Variants in LAMB4 observed in about 807,000 individuals in gnomAD.
The protein encoded by LAMB4 is laminin subunit beta-4.
In LAMB4, 196 loss-of-function variants were observed where a neutral mutation model predicts 199.2. That is an observed-to-expected ratio of 0.98 (90% CI 0.88 to 1.11). The LOEUF is 1.11. LAMB4 is among the 50% of genes least tolerant of loss of function. The pLI, the probability that LAMB4 is intolerant of heterozygous loss-of-function variation, is 0.00. For missense variants in LAMB4, 2,080 were observed against 2,171.2 expected, an observed-to-expected ratio of 0.96 and a Z score of 0.83; for synonymous variants, 744 against 770.6, an observed-to-expected ratio of 0.97 and a Z score of 0.57.
chr7:108,123,243 T>C, intron 1 of LAMB4, 46 bp from the exon 2 acceptor site: 2 of 1,184,622 alleles, frequency 1.7e-6, no homozygotes, highest in Non-Finnish European at 2.5e-6. Flanking sequence ...GAAGAAATAA[T>C]TGCCATCATC....
In LAMB4 at chr7:108,052,118, C is replaced by T. The variant is rs746859452; in HGVS notation, c.3895G>A (p.Val1299Ile). Residue 1299 changes from valine (V) to isoleucine (I), a missense_variant, in exon 26 of 34, where the codon GTC (valine) becomes ATC (isoleucine). By Grantham distance (29) the Val-to-Ile change is conservative. Transcript: ENST00000388781. ...TTACCCGCAATGCTTGCATTAAGGA[C>T]ACTGGATTGCAAATCAATTTCTTCC... ...LQEEIDLQSSVLNASIADSSE... is the reference protein window; with the variant it reads ...LQEEIDLQSSILNASIADSSE... The T allele has an allele frequency of 1.2e-5, 19 of 1,610,254 alleles. No homozygotes were observed. Among genetic ancestry groups the T allele is most frequent in the Admixed American group, 8.4e-5 (5 of 59,424 alleles).
intron 29 of LAMB4, among the ~76,000 whole-genome samples, chr7:108,042,937 C>CTATG (rs1554426273): frequency 1.4e-5 from 2 of 140,292 alleles, no homozygotes; most frequent in African/African-American, 5.5e-5. Flanking sequence ...CTCTCAATCT[C>CTATG]TGTGTGTGTG....
At chr7:108,048,158 C>CTTTTTTTTT (rs747991620) in intron 27 of LAMB4, 47 bp from the exon 28 acceptor site, 2 of 402,494 alleles carry the variant, frequency 5.0e-6, no homozygotes, top group African/African-American at 3.8e-5. Context: ...GTTGTCAGAG[C>CTTTTTTTTT]TTTTTTTTTT....
chr7:108,111,659 T>G (rs2038228018), intron 4 of LAMB4, 152 bp downstream of exon 4: 2 of 578,234 alleles, frequency 3.5e-6, no homozygotes, highest in Non-Finnish European at 5.8e-6. Context: ...TGAAAATAAA[T>G]TGTATTCTTA....
In LAMB4 at chr7:108,086,955, G is replaced by A. The variant is rs116227900; in HGVS notation, c.1701+4671C>T. On this transcript the variant is annotated intron_variant, in intron 14 of 33. Coordinates refer to ENST00000388781, the MANE Select transcript of LAMB4 (RefSeq NM_007356.3). The stretch of plus-strand genomic sequence containing the variant: ...GAGGGAATTAGGGGAGGGGACTAGC[G>A]ACTCATTCCCCAGTCTCCTCTTTCA... Among the ~76,000 whole-genome samples, 917 of 152,226 alleles carry A rather than the reference G, an allele frequency of 6.0e-3. 14 individuals carry two copies. The highest frequency in any genetic ancestry group is 0.018 in the African/African-American group (751 of 41,520).
chr7:108,050,644 A>T (rs2035797923), intron 26 of LAMB4, among the ~76,000 whole-genome samples: 1 of 152,224 alleles, frequency 6.6e-6, no homozygotes, highest in Admixed American at 6.5e-5. Context: ...ACCATAATCC[A>T]GGCAGGAGAC....
chr7:108,104,501 C>G lies in LAMB4; in HGVS notation c.989G>C (p.Arg330Thr), dbSNP rs761412150. The G allele has an allele frequency of 1.9e-6, 3 of 1,614,126 alleles. No individual in the cohort carries two copies. Among genetic ancestry groups the G allele is most frequent in the South Asian group, 2.2e-5 (2 of 91,082 alleles). The change falls in exon 9 of 34, where the codon AGA (arginine) becomes ACA (threonine). Residue 330 changes from arginine to threonine, a missense_variant and splice_region_variant. Arg to Thr is a moderately conservative substitution (Grantham distance 71). Transcript: ENST00000388781. ...GCAGGGAACTGAGTTTCACCCACAT[C>G]TGCAAGCGTTGTCCTGGAGGTCTGC... The part of the protein sequence containing the change: ...PAADLQDNAC[R>T]SCSCNSHSSR...
Position 108,052,189 on chromosome 7 carries a change from A to G in LAMB4, c.3824T>C (p.Ile1275Thr), listed in dbSNP as rs1261906940. The G allele has an allele frequency of 1.2e-6, 2 of 1,611,894 alleles. No homozygotes were observed. Among genetic ancestry groups the G allele is most frequent in the Non-Finnish European group, 1.7e-6 (2 of 1,178,996 alleles). ...GTCTGCTTCATTCTTTGCTCTTTCT[A>G]TTGTATCTTTCAGATCTTGAAATTC... ...VYEFQDLKDT[I>T]ERAKNEADLL... The change falls in exon 26 of 34, where the codon ATA becomes ACA. Residue 1275 changes from isoleucine to threonine, a missense_variant. Physicochemically the swap from Ile to Thr is moderately conservative, Grantham distance 89 (BLOSUM62 -1). Coordinates refer to ENST00000388781, the MANE Select transcript of LAMB4 (RefSeq NM_007356.3).
chr7:108,106,601 G>C, intron 6 of LAMB4, 29 bp from the exon 7 acceptor site: 1 of 1,192,536 alleles, frequency 8.4e-7, no homozygotes, highest in Non-Finnish European at 1.2e-6. Context: ...TACATTTATA[G>C]TATATTACCT....
At chr7:108,026,811 G>A in intron 33 of LAMB4, 1 of 477,734 alleles carries the variant, frequency 2.1e-6, no homozygotes, top group East Asian at 5.6e-5. Flanking sequence ...CTAACAGAGA[G>A]GAACAGGCAC....
chr7:108,030,723 G>A, intron 32 of LAMB4, 83 bp downstream of exon 32: 3 of 1,315,306 alleles, frequency 2.3e-6, no homozygotes, highest in East Asian at 2.3e-5. Context: ...GATGAGAAAT[G>A]GCACAAAAAT....
At chr7:108,092,976 C>T (rs1375011660) in intron 12 of LAMB4, among the ~76,000 whole-genome samples, 1 of 152,088 alleles carries the variant, frequency 6.6e-6, no homozygotes, top group African/African-American at 2.4e-5. Flanking sequence ...GAAATGGGAG[C>T]CTTAACAATT....
chr7:108,114,937 T>C lies in LAMB4; in HGVS notation c.192+1067A>G, dbSNP rs530389213. Reference sequence around the variant, plus strand: ...GAAAAGGCACAAAACTATGTTCACATTGGGAATTTATGATTTTTAGACAGT... The same window carrying C: ...GAAAAGGCACAAAACTATGTTCACACTGGGAATTTATGATTTTTAGACAGT... On this transcript the variant is annotated intron_variant, in intron 3 of 33. Coordinates refer to ENST00000388781, the MANE Select transcript of LAMB4 (RefSeq NM_007356.3). Among the ~76,000 whole-genome samples, 14 of 152,332 alleles carry C rather than the reference T, an allele frequency of 9.2e-5. No homozygotes were observed. In the South Asian group the frequency reaches 1.5e-3, roughly 16 times the overall value.
chr7:108,050,829 C>T (rs2035805028), intron 26 of LAMB4, among the ~76,000 whole-genome samples: 1 of 152,196 alleles, frequency 6.6e-6, no homozygotes, highest in South Asian at 2.1e-4. Context: ...CACCTATTCC[C>T]TGAAGACTTT....
At chr7:108,117,514 A>G (rs540882361) in intron 2 of LAMB4, among the ~76,000 whole-genome samples, 2 of 152,328 alleles carry the variant, frequency 1.3e-5, no homozygotes, top group African/African-American at 4.8e-5. Context: ...TTAAACATAT[A>G]TATAATGAGT....
chr7:108,102,102 A>G (rs1280498025), intron 10 of LAMB4, among the ~76,000 whole-genome samples: 1 of 152,192 alleles, frequency 6.6e-6, no homozygotes, highest in Non-Finnish European at 1.5e-5. Context: ...ACAGCTAGGT[A>G]TATCTCCTAG....
intron 19 of LAMB4, 106 bp from the exon 20 acceptor site, chr7:108,066,706 A>T (rs2036356392): frequency 1.4e-6 from 1 of 711,720 alleles, no homozygotes; most frequent in Non-Finnish European, 2.4e-6. Context: ...CCAGTGAACT[A>T]AGCAAGCCTG....
At chr7:108,128,509 A>G (rs2038873874) in intron 1 of LAMB4, among the ~76,000 whole-genome samples, 1 of 152,196 alleles carries the variant, frequency 6.6e-6, no homozygotes, top group Non-Finnish European at 1.5e-5. Context: ...TATGGGCCTT[A>G]TCATCTCAGC....
At chr7:108,071,999 A>G (rs888988480) in intron 17 of LAMB4, among the ~76,000 whole-genome samples, 2 of 150,378 alleles carry the variant, frequency 1.3e-5, no homozygotes, top group Non-Finnish European at 2.9e-5. Flanking sequence ...GGTCCTCAAT[A>G]TGGGAGGTAC....
Sources: gnomAD v4.1 joint callset for allele counts (sites outside exome capture counted in the v4.1 genomes callset) on GRCh38, gnomAD v4.1.1 for gene constraint, MANE v1.5 for transcripts, NCBI Gene and HGNC (gene_info 2026-07-23, HGNC 2026-07-21) for gene names.